USP53: variants seen among roughly 807,000 people sequenced by gnomAD.
USP53 encodes the protein ubiquitin specific peptidase 53.
USP53 carries 71 observed loss-of-function variants against 94.9 expected under a neutral mutation model. That is an observed-to-expected ratio of 0.75 (90% CI 0.62 to 0.91). The LOEUF is 0.91. Among genes scored for constraint, USP53 ranks in the 40% least tolerant of loss-of-function variants. The pLI is 0.00. For missense variants in USP53, 1,173 were observed against 1,281.0 expected (o/e 0.92, Z 1.29); for synonymous variants, 375 against 422.7 (o/e 0.89, Z 1.39).
At chr4:119,241,730 C>G (rs1263269413) in intron 5 of USP53, among the ~76,000 whole-genome samples, 4 of 152,004 alleles carry the variant, frequency 2.6e-5, no homozygotes, top group Non-Finnish European at 4.4e-5. Flanking sequence ...TGTTGAGTGT[C>G]TTGGGTCTGT....
At chr4:119,238,483 A>G (rs1747085488) in intron 4 of USP53, among the ~76,000 whole-genome samples, 1 of 152,214 alleles carries the variant, frequency 6.6e-6, no homozygotes, top group African/African-American at 2.4e-5. Context: ...CAATGGAAAC[A>G]TCAAAGATAA....
Position 119,248,993 on chromosome 4 carries a change from A to G in USP53, c.372+111A>G, listed in dbSNP as rs116287360. On this transcript the variant is annotated intron_variant, in intron 7 of 18. Coordinates refer to ENST00000692078, the MANE Select transcript of USP53 (RefSeq NM_001371395.1). ...AATTTAGAACAATAGAAAAATGTCA[A>G]AACTGTCCAGTAGATCCATATCTTA... 0.011 allele frequency: 15,195 copies of G among 1,382,354 alleles called. 118 individuals carry two copies. Among genetic ancestry groups the G allele is most frequent in the Non-Finnish European group, 0.013 (13,205 of 1,013,974 alleles). The allele number at this position is 1,382,354 out of a possible 1,614,324, so 85.6% of individuals were successfully genotyped here. A position where few individuals can be genotyped will look rare whatever the true frequency, so the allele number is the denominator to read the frequency against.
At position 119,213,660 on chromosome 4, in the gene USP53, A is replaced by ATG. The variant is rs1553962017; in HGVS notation, c.-941-398_-941-397dup. 4.5e-4 allele frequency among the ~76,000 whole-genome samples: 53 copies of ATG among 117,758 alleles called. 1 individual carries two copies. Among genetic ancestry groups the ATG allele is most frequent in the African/African-American group, 1.4e-3 (40 of 27,770 alleles). 77.3% of individuals were successfully genotyped at this position (117,758 alleles called of 152,430 possible). A position where few individuals can be genotyped will look rare whatever the true frequency, so the allele number is the denominator to read the frequency against. ...GAAATAGATATATATATATATATAT[A>ATG]TGTGTGTGTGTGTATGTATGTATGT... On this transcript the variant is annotated intron_variant, in intron 1 of 18. Transcript: ENST00000692078.
chr4:119,238,621 C>CA (rs1747110780), intron 4 of USP53, among the ~76,000 whole-genome samples: 1 of 152,166 alleles, frequency 6.6e-6, no homozygotes, highest in East Asian at 1.9e-4. Context: ...ACAGGGTTGA[C>CA]ACACACCTTC....
intron 15 of USP53, among the ~76,000 whole-genome samples, chr4:119,270,797 G>C (rs1751760351): frequency 6.6e-6 from 1 of 152,090 alleles, no homozygotes; most frequent in South Asian, 2.1e-4. Flanking sequence ...TTTGCCTAGA[G>C]CCATAGCATA....
chr4:119,275,543 C>T (rs1281060688), intron 17 of USP53, among the ~76,000 whole-genome samples: 1 of 148,122 alleles, frequency 6.8e-6, no homozygotes, highest in African/African-American at 2.5e-5. Flanking sequence ...ATGCCTCCAG[C>T]TTTGTTCTTT....
At chr4:119,279,805 T>G (rs1753255104) in intron 17 of USP53, among the ~76,000 whole-genome samples, 2 of 152,162 alleles carry the variant, frequency 1.3e-5, no homozygotes, top group African/African-American at 2.4e-5. Context: ...ATCTCGTGGT[T>G]CGCCGCTTTT....
intron 4 of USP53, among the ~76,000 whole-genome samples, chr4:119,237,758 A>T (rs908388346): frequency 1.3e-5 from 2 of 152,204 alleles, no homozygotes; most frequent in African/African-American, 4.8e-5. Context: ...TCTGTTAATT[A>T]GTGTAGCCAC....
intron 17 of USP53, among the ~76,000 whole-genome samples, chr4:119,289,738 TA>T (rs1258687420): frequency 7.9e-5 from 12 of 152,324 alleles, no homozygotes; most frequent in African/African-American, 2.9e-4. Flanking sequence ...CCTTGTGCCT[TA>T]GTAAAGGAAA....
At chr4:119,221,069 C>G (rs1744441316) in intron 3 of USP53, 1 of 152,068 alleles carries the variant, frequency 6.6e-6, no homozygotes, top group Non-Finnish European at 1.5e-5. Flanking sequence ...CTTAGTAGGA[C>G]TCTTGCTAAA....
chr4:119,289,189 T>C (rs1754460495), intron 17 of USP53, among the ~76,000 whole-genome samples: 1 of 152,122 alleles, frequency 6.6e-6, no homozygotes, highest in African/African-American at 2.4e-5. Flanking sequence ...TCATATAGAA[T>C]AACAAAAAGA....
chr4:119,276,237 G>A (rs1369649614), intron 17 of USP53, among the ~76,000 whole-genome samples: 2 of 139,682 alleles, frequency 1.4e-5, no homozygotes, highest in African/African-American at 2.6e-5. Flanking sequence ...CTGTGGGTTT[G>A]TCATAGATAG....
rs773537048 is a variant in USP53, at chr4:119,248,882, TGTAA to T, written c.372+3_372+6del. The T allele has an allele frequency of 4.4e-5, 71 of 1,613,790 alleles. 1 individual carries two copies. The highest frequency in any genetic ancestry group is 2.2e-4 in the South Asian group (20 of 91,022). On this transcript the variant is annotated splice_donor_variant and splice_donor_region_variant and intron_variant, in intron 7 of 18. Transcript: ENST00000692078. LOFTEE classifies it high-confidence loss of function. Reference sequence around the variant, plus strand: ...TTATGGATGATGCTGCGGAGTGCTTTGTAAGTGTTTCTGATATTCCTTAAGAAGT... The same window carrying T: ...TTATGGATGATGCTGCGGAGTGCTTTGTGTTTCTGATATTCCTTAAGAAGT...
chr4:119,249,804 A>G (rs1748727882), intron 7 of USP53, among the ~76,000 whole-genome samples: 1 of 151,408 alleles, frequency 6.6e-6, no homozygotes, highest in Admixed American at 6.6e-5. Context: ...AGCTGGGACT[A>G]CAGGTGCCCG....
In USP53 at chr4:119,256,528, G is replaced by T. The variant is rs1749791156; in HGVS notation, c.569+5G>T. 1 of 1,613,596 alleles carries T rather than the reference G, an allele frequency of 6.2e-7. No individual in the cohort carries two copies. Among genetic ancestry groups the T allele is most frequent in the African/African-American group, 1.3e-5 (1 of 74,910 alleles). On this transcript the variant is annotated splice_donor_5th_base_variant and intron_variant, in intron 9 of 18. Coordinates refer to ENST00000692078, the MANE Select transcript of USP53 (RefSeq NM_001371395.1). ...CATTTCTACAACAGCCTTATGGTAA[G>T]AACCTATTAAAGCTTAATTATCAAC...
In USP53 at chr4:119,239,492, A is replaced by C; in HGVS notation, c.-268A>C. 7.2e-6 allele frequency: 3 copies of C among 419,386 alleles called. No homozygotes were observed. In the Admixed American group the frequency reaches 1.2e-4, roughly 17 times the overall value. 26.0% of individuals were successfully genotyped at this position (419,386 alleles called of 1,614,324 possible). On this transcript the variant is annotated 5_prime_UTR_variant, in exon 5 of 19. Coordinates refer to ENST00000692078, the MANE Select transcript of USP53 (RefSeq NM_001371395.1). ...ATTAACCTTATACAGCTCCCATAAA[A>C]TTTAACACATATAAACATCTTTAAC...
intron 3 of USP53, among the ~76,000 whole-genome samples, chr4:119,230,297 T>C (rs10031033): frequency 0.68 from 103,254 of 152,012 alleles, 35,216 homozygotes; most frequent in African/African-American, 0.73. Context: ...AGTGAGATCA[T>C]ATTAAATTCC....
At chr4:119,266,133 C>G (rs1309279472) in intron 12 of USP53, among the ~76,000 whole-genome samples, 4 of 152,182 alleles carry the variant, frequency 2.6e-5, no homozygotes, top group Admixed American at 1.3e-4. Context: ...GTATGTACTA[C>G]TGTGTATCTG....
Position 119,271,742 on chromosome 4 carries a change from T to G in USP53, c.1882T>G (p.Trp628Gly). The change falls in exon 16 of 19, where the codon TGG (tryptophan) becomes GGG (glycine). Residue 628 changes from tryptophan (W) to glycine (G), a missense_variant. Trp to Gly is a radical substitution (Grantham distance 184, BLOSUM62 -2). Coordinates refer to ENST00000692078, the MANE Select transcript of USP53 (RefSeq NM_001371395.1). ...KSSKDPSFSN[W>G]PKENPKQKGL... ...TAGCAAGGATCCGAGTTTTAGTAATTGGCCAAAAGAGAATCCAAAGCAAAA... is the reference window on the plus strand; with the variant it reads ...TAGCAAGGATCCGAGTTTTAGTAATGGGCCAAAAGAGAATCCAAAGCAAAA... 6.2e-7 allele frequency: 1 copy of G among 1,614,006 alleles called. No homozygotes were observed. Among genetic ancestry groups the G allele is most frequent in the Non-Finnish European group, 8.5e-7 (1 of 1,180,020 alleles).
Sources: allele counts gnomAD v4.1 joint callset (sites outside exome capture counted in the v4.1 genomes callset), GRCh38; gene constraint gnomAD v4.1.1; transcripts MANE v1.5; gene names NCBI Gene and HGNC (gene_info 2026-07-23, HGNC 2026-07-21).